SPECC1: variants seen among roughly 807,000 people sequenced by gnomAD.
SPECC1 encodes sperm antigen with calponin homology and coiled-coil domains 1, also known as cytospin-B.
In SPECC1, 62 loss-of-function variants were observed where a neutral mutation model predicts 104.1. The ratio of observed to expected loss-of-function variants is 0.60; its 90% CI spans 0.49 to 0.74. The LOEUF (loss-of-function observed/expected upper bound fraction) is 0.74. Among genes scored for constraint, SPECC1 ranks in the 30% least tolerant of loss-of-function variants. SPECC1 has a pLI of 0.00. For missense variants in SPECC1, 1,306 were observed against 1,310.5 expected (o/e 1.00, Z 0.05); for synonymous variants, 513 against 501.6 (o/e 1.02, Z -0.30).
chr17:20,247,366 C>T (rs778965868), intron 9 of SPECC1, 47 bp downstream of exon 9: 1 of 1,386,926 alleles, frequency 7.2e-7, no homozygotes, highest in Admixed American at 1.7e-5. Context: ...TGCTGTGTAT[C>T]CCTCTAGATG....
At chr17:20,185,710 T>C (rs1486030037) in intron 3 of SPECC1, among the ~76,000 whole-genome samples, 1 of 152,238 alleles carries the variant, frequency 6.6e-6, no homozygotes, top group Non-Finnish European at 1.5e-5. Flanking sequence ...TTCATTCATG[T>C]TGGAAAGACC....
chr17:20,245,791 A>T, intron 7 of SPECC1, 135 bp from the exon 8 acceptor site: 4 of 1,045,758 alleles, frequency 3.8e-6, no homozygotes, highest in Non-Finnish European at 5.4e-6. Flanking sequence ...TGGTAGAGAA[A>T]ACAGGATGTT....
chr17:20,215,652 G>T (rs2037440344), intron 4 of SPECC1, among the ~76,000 whole-genome samples: 1 of 152,178 alleles, frequency 6.6e-6, no homozygotes, highest in African/African-American at 2.4e-5. Flanking sequence ...AATTCTTCAA[G>T]ATACTGTCTT....
intron 3 of SPECC1, among the ~76,000 whole-genome samples, chr17:20,174,976 C>T (rs1334639922): frequency 6.6e-6 from 1 of 152,076 alleles, no homozygotes; most frequent in Non-Finnish European, 1.5e-5. Context: ...TCCTCTTTGC[C>T]TGTGGTGGGT....
At chr17:20,237,192 T>C (rs918776059) in intron 7 of SPECC1, 5 of 1,296,872 alleles carry the variant, frequency 3.9e-6, no homozygotes, top group South Asian at 1.8e-5. Flanking sequence ...ACAAGTCTTA[T>C]GAAAAGTTAT....
chr17:20,199,770 A>T (rs921223179), intron 3 of SPECC1, among the ~76,000 whole-genome samples: 5 of 151,082 alleles, frequency 3.3e-5, no homozygotes, highest in African/African-American at 1.2e-4. Flanking sequence ...ATCCTCACCA[A>T]TACTTGTTAT....
intron 3 of SPECC1, chr17:20,112,529 A>G (rs1171490964): frequency 1.3e-6 from 1 of 775,980 alleles, no homozygotes; most frequent in East Asian, 2.4e-5. Flanking sequence ...GGACCTTTGA[A>G]ACATTAACTT....
At chr17:20,204,197 A>G (rs540618310) in intron 3 of SPECC1, 136 bp from the exon 4 acceptor site, 25 of 1,064,078 alleles carry the variant, frequency 2.3e-5, no homozygotes, top group African/African-American at 1.6e-5. Flanking sequence ...AGAACTGGGT[A>G]ATTAGCTAGA....
chr17:20,194,503 T>TTATTA (rs1491494270), intron 3 of SPECC1, among the ~76,000 whole-genome samples: 6 of 32,594 alleles, frequency 1.8e-4, no homozygotes, highest in East Asian at 3.0e-3. Flanking sequence ...AGAGAACGAA[T>TTATTA]TTTTTTTTTT....
intron 3 of SPECC1, chr17:20,126,593 G>A (rs914506536): frequency 1.4e-4 from 22 of 152,136 alleles, no homozygotes; most frequent in African/African-American, 5.3e-4. Flanking sequence ...TGATTCTCAG[G>A]TGTCTTCCAA....
chr17:20,048,403 G>A (rs2045621164), intron 1 of SPECC1, among the ~76,000 whole-genome samples: 1 of 152,138 alleles, frequency 6.6e-6, no homozygotes, highest in South Asian at 2.1e-4. Flanking sequence ...AAAGTGCTGG[G>A]ATTACAGGTG....
chr17:20,263,291 G>A (rs2040094614), intron 12 of SPECC1, among the ~76,000 whole-genome samples: 1 of 149,576 alleles, frequency 6.7e-6, no homozygotes, highest in South Asian at 2.1e-4. Context: ...CTGTAACCAA[G>A]GGGCCTTCCT....
chr17:20,181,004 AAAAAG>A (rs2034844417), intron 3 of SPECC1, among the ~76,000 whole-genome samples: 1 of 152,188 alleles, frequency 6.6e-6, no homozygotes, highest in African/African-American at 2.4e-5. Context: ...AGTGGTAAAA[AAAAAG>A]AGATGATTAT....
chr17:20,275,276 G>T (rs548041539), intron 12 of SPECC1, among the ~76,000 whole-genome samples: 9 of 152,172 alleles, frequency 5.9e-5, no homozygotes, highest in African/African-American at 2.2e-4. Flanking sequence ...TGAAATATAC[G>T]ATTTTTTATA....
At chr17:20,271,776 CTTTGTT>C (rs1463758370) in intron 12 of SPECC1, among the ~76,000 whole-genome samples, 1 of 150,496 alleles carries the variant, frequency 6.6e-6, no homozygotes, top group Non-Finnish European at 1.5e-5. Flanking sequence ...TTTTTTTTCC[CTTTGTT>C]TTTTTTTCCC....
rs2034112443 is a variant in SPECC1 at position 20,171,770 on chromosome 17, ATCCCT to A, written c.284-32562_284-32558del. The stretch of plus-strand genomic sequence containing the variant: ...TTGCTGTATTGCTCAGGCTGGTCTC[ATCCCT>A]ATTAATGTGAATTCTGGTACCAGCT... On this transcript the variant is annotated intron_variant, in intron 3 of 14. Coordinates refer to ENST00000395527, the MANE Select transcript of SPECC1 (RefSeq NM_001243439.2). 3.9e-5 allele frequency among the ~76,000 whole-genome samples: 6 copies of A among 152,232 alleles called. No homozygotes were observed. The South Asian group carries it at 1.2e-3, about 32-fold the overall frequency.
intron 12 of SPECC1, among the ~76,000 whole-genome samples, chr17:20,295,266 C>A (rs1312301283): frequency 6.7e-6 from 1 of 148,392 alleles, no homozygotes; most frequent in Non-Finnish European, 1.5e-5. Flanking sequence ...TGAGAACATG[C>A]AGTGTTTGGT....
intron 3 of SPECC1, among the ~76,000 whole-genome samples, chr17:20,177,564 ATTCTT>A (rs2034554380): frequency 6.6e-6 from 1 of 152,176 alleles, no homozygotes; most frequent in African/African-American, 2.4e-5. Context: ...CATATCTTGA[ATTCTT>A]TAGTTAACGG....
chr17:20,267,804 A>C (rs2040267723), intron 12 of SPECC1, among the ~76,000 whole-genome samples: 1 of 152,176 alleles, frequency 6.6e-6, no homozygotes, highest in Admixed American at 6.5e-5. Context: ...GTGTAGTGCC[A>C]CCGGGTCCTT....
Sources: gnomAD v4.1 joint callset for allele counts (sites outside exome capture counted in the v4.1 genomes callset) on GRCh38, gnomAD v4.1.1 for gene constraint, MANE v1.5 for transcripts, NCBI Gene and HGNC (gene_info 2026-07-23, HGNC 2026-07-21) for gene names.